The following PARD3 variants were observed in gnomAD, a reference collection of about 807,000 sequenced individuals.
PARD3 encodes partitioning defective 3 homolog.
Under a neutral mutation model 155.4 loss-of-function variants are expected in PARD3, and 75 were observed. The observed-to-expected ratio is 0.48, with a 90% CI of 0.40 to 0.58. The LOEUF (loss-of-function observed/expected upper bound fraction) is 0.58. PARD3 is among the 20% of genes least tolerant of loss of function. The pLI is 0.00. For synonymous variants in PARD3, 576 were observed against 610.5 expected (o/e 0.94, Z 0.83); for missense variants, 1,642 against 1,721.7 (o/e 0.95, Z 0.82).
chr10:34,243,044 T>C (rs1471505221), intron 22 of PARD3, among the ~76,000 whole-genome samples: 2 of 152,254 alleles, frequency 1.3e-5, no homozygotes, highest in Admixed American at 6.5e-5. Flanking sequence ...TGTGTTGCGC[T>C]GGTGTTAACT....
At chr10:34,202,731 TTA>T (rs1951275828) in intron 22 of PARD3, among the ~76,000 whole-genome samples, 1 of 152,188 alleles carries the variant, frequency 6.6e-6, no homozygotes, top group African/African-American at 2.4e-5. Flanking sequence ...AATCTACTCT[TTA>T]TATGAGTTTA....
At chr10:34,353,706 G>GATCA (rs1172186071) in intron 14 of PARD3, among the ~76,000 whole-genome samples, 2 of 109,926 alleles carry the variant, frequency 1.8e-5, no homozygotes, top group African/African-American at 1.4e-4. Context: ...ACCCAAGAAT[G>GATCA]ATCAATAAAT....
At chr10:34,414,397 C>T (rs1396099706) in intron 5 of PARD3, among the ~76,000 whole-genome samples, 2 of 152,102 alleles carry the variant, frequency 1.3e-5, no homozygotes, top group Non-Finnish European at 2.9e-5. Flanking sequence ...ATAAAACATC[C>T]TAAAGGAACA....
At chr10:34,322,557 T>A (rs541254717) in intron 19 of PARD3, among the ~76,000 whole-genome samples, 37 of 152,312 alleles carry the variant, frequency 2.4e-4, no homozygotes, top group Non-Finnish European at 4.4e-4. Context: ...TAGCAGTAAA[T>A]ATCATTTTAG....
intron 11 of PARD3, among the ~76,000 whole-genome samples, chr10:34,373,823 A>C (rs950176885): frequency 6.6e-6 from 1 of 151,852 alleles, no homozygotes; most frequent in Non-Finnish European, 1.5e-5. Flanking sequence ...TATGACTAAA[A>C]TTTTTTCATT....
At chr10:34,778,166 AG>A (rs1839823071) in intron 1 of PARD3, among the ~76,000 whole-genome samples, 1 of 152,220 alleles carries the variant, frequency 6.6e-6, no homozygotes, top group Non-Finnish European at 1.5e-5. Context: ...AATCACTTAT[AG>A]TACCTAATAC....
intron 2 of PARD3, among the ~76,000 whole-genome samples, chr10:34,681,962 C>G (rs2093851178): frequency 6.6e-6 from 1 of 150,512 alleles, no homozygotes; most frequent in African/African-American, 2.4e-5. Context: ...TCCCTAAGGA[C>G]AAGTGTTCTC....
intron 2 of PARD3, among the ~76,000 whole-genome samples, chr10:34,620,068 T>TA (rs1055116886): frequency 1.6e-4 from 24 of 152,112 alleles, no homozygotes; most frequent in African/African-American, 5.6e-4. Flanking sequence ...CTCATGGAGT[T>TA]AAAAATAAGC....
At chr10:34,530,191 C>T (rs1449112673) in intron 2 of PARD3, among the ~76,000 whole-genome samples, 1 of 152,136 alleles carries the variant, frequency 6.6e-6, no homozygotes, top group African/African-American at 2.4e-5. Flanking sequence ...GCAGGAGAGA[C>T]AGGCACCACT....
At chr10:34,254,222 A>T (rs1022084918) in intron 22 of PARD3, among the ~76,000 whole-genome samples, 4 of 152,224 alleles carry the variant, frequency 2.6e-5, no homozygotes, top group African/African-American at 9.6e-5. Flanking sequence ...TCTACTAAAA[A>T]TACAAAAATT....
At chr10:34,332,490 T>C (rs1037585880) in intron 18 of PARD3, among the ~76,000 whole-genome samples, 2 of 152,170 alleles carry the variant, frequency 1.3e-5, no homozygotes, top group African/African-American at 4.8e-5. Context: ...ATGTTGATCA[T>C]GTTATTACCC....
intron 20 of PARD3, among the ~76,000 whole-genome samples, chr10:34,302,163 C>G (rs937527607): frequency 6.6e-6 from 1 of 152,128 alleles, no homozygotes; most frequent in Admixed American, 6.5e-5. Context: ...ATCCCACCCT[C>G]GCAAACCGAG....
intron 2 of PARD3, among the ~76,000 whole-genome samples, chr10:34,655,237 G>C (rs963197419): frequency 1.3e-5 from 2 of 151,962 alleles, no homozygotes; most frequent in African/African-American, 4.8e-5. Context: ...TTACAAAGTG[G>C]AGTTCGAATT....
At chr10:34,793,130 G>A (rs1477645560) in intron 1 of PARD3, among the ~76,000 whole-genome samples, 3 of 152,196 alleles carry the variant, frequency 2.0e-5, no homozygotes, top group Non-Finnish European at 4.4e-5. Flanking sequence ...CCCACCTGGG[G>A]AGCCGGGGGG....
intron 1 of PARD3, among the ~76,000 whole-genome samples, chr10:34,775,966 T>G (rs750988937): frequency 4.6e-5 from 7 of 152,200 alleles, no homozygotes; most frequent in Non-Finnish European, 7.3e-5. Flanking sequence ...GGCTTACACC[T>G]GTAATCCCAG....
chr10:34,566,717 T>A (rs368130707), intron 2 of PARD3, among the ~76,000 whole-genome samples: 1 of 152,230 alleles, frequency 6.6e-6, no homozygotes, highest in South Asian at 2.1e-4. Context: ...CATAGTCTTA[T>A]AGAGTTCTAT....
At chr10:34,330,924 C>T (rs1255311506) in intron 19 of PARD3, among the ~76,000 whole-genome samples, 193 bp downstream of exon 19, 1 of 152,042 alleles carries the variant, frequency 6.6e-6, no homozygotes, top group Non-Finnish European at 1.5e-5. Context: ...CAAAAAACCC[C>T]AGTGTATACT....
chr10:34,120,148 C>G (rs1438039702), intron 23 of PARD3, among the ~76,000 whole-genome samples: 1 of 148,924 alleles, frequency 6.7e-6, no homozygotes. Flanking sequence ...TCCCGAGTAA[C>G]CGGGATTACA....
At chr10:34,769,105 C>T (rs1838505047) in intron 1 of PARD3, among the ~76,000 whole-genome samples, 2 of 152,356 alleles carry the variant, frequency 1.3e-5, no homozygotes, top group Non-Finnish European at 2.9e-5. Flanking sequence ...AGCAAACCTT[C>T]ACCCTCCACA....
Sources: gnomAD v4.1 joint callset for allele counts (sites outside exome capture counted in the v4.1 genomes callset) on GRCh38, gnomAD v4.1.1 for gene constraint, MANE v1.5 for transcripts, NCBI Gene and HGNC (gene_info 2026-07-23, HGNC 2026-07-21) for gene names.